TRHDE: variants seen among roughly 807,000 people sequenced by gnomAD.
The protein encoded by TRHDE is thyrotropin releasing hormone degrading enzyme, also known as thyrotropin-releasing hormone-degrading ectoenzyme.
A neutral mutation model predicts 125.7 loss-of-function variants in TRHDE; 72 were observed. That is an observed-to-expected ratio of 0.57 (90% CI 0.47 to 0.70). The LOEUF (loss-of-function observed/expected upper bound fraction) is 0.70. Among genes scored for constraint, TRHDE ranks in the 30% least tolerant of loss-of-function variants. The pLI is 0.00. For missense variants in TRHDE, 1,110 were observed against 1,327.1 expected (o/e 0.84, Z 2.54); for synonymous variants, 509 against 509.1 (o/e 1.00, Z 0.00).
At position 72,653,057 on chromosome 12, in the gene TRHDE, A is replaced by T; in HGVS notation, c.2885A>T (p.Gln962Leu). The part of the protein sequence containing the change: ...LSLNSEVVLD[Q>L]DAIDVIIHVA... ...CTGAATTCTGAGGTGGTGCTGGATC[A>T]AGATGCAATTGATGTCATAATCCAT... The change falls in exon 17 of 19, where the codon CAA (glutamine) becomes CTA (leucine). Residue 962 changes from glutamine (Q) to leucine (L), a missense_variant. By Grantham distance (113) the Gln-to-Leu change is moderately radical (BLOSUM62 -2). Transcript: ENST00000261180. 1 of 1,607,662 alleles carries T rather than the reference A, an allele frequency of 6.2e-7. No individual in the cohort carries two copies. Among genetic ancestry groups the T allele is most frequent in the Non-Finnish European group, 8.5e-7 (1 of 1,176,294 alleles).
rs552540580 is a variant in TRHDE, at chr12:72,415,971, A to G, written c.1315+37850A>G. ...GAGGCACCTCCATACTGCTCTCCAT[A>G]GTGGCTGAATTAATTTACTTTACCA... On this transcript the variant is annotated intron_variant, in intron 3 of 18. Transcript: ENST00000261180. 1.4e-4 allele frequency among the ~76,000 whole-genome samples: 21 copies of G among 152,212 alleles called. No individual in the cohort carries two copies. The East Asian group carries it at 2.1e-3, about 15-fold the overall frequency.
chr12:72,470,715 C>T (rs920731124), intron 4 of TRHDE, among the ~76,000 whole-genome samples: 1 of 152,018 alleles, frequency 6.6e-6, no homozygotes, highest in African/African-American at 2.4e-5. Context: ...ATAAAACCCA[C>T]ACCTTGTTAG....
At chr12:72,480,177 CA>C (rs1339198411) in intron 5 of TRHDE, among the ~76,000 whole-genome samples, 1 of 151,716 alleles carries the variant, frequency 6.6e-6, no homozygotes, top group Non-Finnish European at 1.5e-5. Context: ...GGTATATACC[CA>C]GTAATGGGAT....
chr12:72,125,761 AG>A (rs1341911044), intron 2 of TRHDE, among the ~76,000 whole-genome samples: 3 of 152,246 alleles, frequency 2.0e-5, no homozygotes, highest in African/African-American at 7.2e-5. Flanking sequence ...ATGGTTTTCC[AG>A]ATAATGGAAA....
Position 72,669,822 on chromosome 12 carries a change from A to G in TRHDE, c.*6627A>G, listed in dbSNP as rs1403371250. The G allele has an allele frequency of 1.3e-5, 2 of 151,676 alleles. No individual in the cohort carries two copies. The highest frequency in any genetic ancestry group is 2.4e-5 in the African/African-American group (1 of 41,370). The allele number at this position is 151,676 out of a possible 1,614,324, so 9.4% of individuals were successfully genotyped here. A position where few individuals can be genotyped will look rare whatever the true frequency, so the allele number is the denominator to read the frequency against. On this transcript the variant is annotated 3_prime_UTR_variant, in exon 19 of 19. Coordinates refer to ENST00000261180, the MANE Select transcript of TRHDE (RefSeq NM_013381.3). Reference sequence around the variant, plus strand: ...CACATTATCCTTTTGAATGCTACCTATATATTGCCACATATAAAGATATTT... The same window carrying G: ...CACATTATCCTTTTGAATGCTACCTGTATATTGCCACATATAAAGATATTT...
chr12:72,537,829 T>C (rs1868945220), intron 6 of TRHDE, among the ~76,000 whole-genome samples: 1 of 152,082 alleles, frequency 6.6e-6, no homozygotes. Flanking sequence ...AATGAGCGTA[T>C]AATGGTGACA....
intron 9 of TRHDE, among the ~76,000 whole-genome samples, chr12:72,568,314 C>T (rs1870547119): frequency 6.6e-6 from 1 of 151,660 alleles, no homozygotes. Context: ...TCTTTTTTCC[C>T]CCAAGAAAAA....
chr12:72,537,888 A>G (rs1345935361), intron 6 of TRHDE, among the ~76,000 whole-genome samples: 3 of 152,028 alleles, frequency 2.0e-5, no homozygotes, highest in Non-Finnish European at 2.9e-5. Context: ...TGTGCAATGT[A>G]CTTTCTTAAC....
At chr12:72,523,719 A>C (rs1868285744) in intron 6 of TRHDE, among the ~76,000 whole-genome samples, 1 of 152,170 alleles carries the variant, frequency 6.6e-6, no homozygotes, top group Non-Finnish European at 1.5e-5. Flanking sequence ...AATTTCTTAC[A>C]TGGGCTTGCT....
At position 72,665,481 on chromosome 12, in the gene TRHDE, A is replaced by G. The variant is rs1216527774; in HGVS notation, c.*2286A>G. 2 of 152,444 alleles carry G rather than the reference A, an allele frequency of 1.3e-5. No homozygotes were observed. The highest frequency in any genetic ancestry group is 2.9e-5 in the Non-Finnish European group (2 of 67,952). The allele number at this position is 152,444 out of a possible 1,614,324, so 9.4% of individuals were successfully genotyped here. ...CATTAAGATGGTGTTTTTGTTCTACATATTTTTCAATAATTTATTCTTTCT... is the reference window on the plus strand; with the variant it reads ...CATTAAGATGGTGTTTTTGTTCTACGTATTTTTCAATAATTTATTCTTTCT... On this transcript the variant is annotated 3_prime_UTR_variant, in exon 19 of 19. Coordinates refer to ENST00000261180, the MANE Select transcript of TRHDE (RefSeq NM_013381.3).
At position 72,562,058 on chromosome 12, in the gene TRHDE, TTTA is replaced by T. The variant is rs537033028; in HGVS notation, c.1789-103_1789-101del. 3.5e-3 allele frequency: 1,924 copies of T among 543,870 alleles called. 12 individuals are homozygous for T. Among genetic ancestry groups the T allele is most frequent in the South Asian group, 4.1e-3 (160 of 38,754 alleles). The allele number at this position is 543,870 out of a possible 1,614,324, so 33.7% of individuals were successfully genotyped here. A position where few individuals can be genotyped will look rare whatever the true frequency, so the allele number is the denominator to read the frequency against. ...ATTATTTATCTTTTTTATGTCCTTTTTTATTAATATAATTCCAACAAATGAAAA... is the reference window on the plus strand; with the variant it reads ...ATTATTTATCTTTTTTATGTCCTTTTTTAATATAATTCCAACAAATGAAAA... On this transcript the variant is annotated intron_variant, in intron 7 of 18. Coordinates refer to ENST00000261180, the MANE Select transcript of TRHDE (RefSeq NM_013381.3).
At chr12:72,323,982 T>C (rs2135713069) in intron 2 of TRHDE, among the ~76,000 whole-genome samples, 1 of 152,210 alleles carries the variant, frequency 6.6e-6, no homozygotes, top group South Asian at 2.1e-4. Flanking sequence ...CTACAAAGTT[T>C]TATGCTTTCT....
intron 2 of TRHDE, 84 bp from the exon 3 acceptor site, chr12:72,377,911 G>T: frequency 1.0e-6 from 1 of 975,944 alleles, no homozygotes; most frequent in South Asian, 2.1e-5. Context: ...TATTCTAAGT[G>T]ATTTGTGTAG....
chr12:72,327,072 C>T (rs1434450874), intron 2 of TRHDE, among the ~76,000 whole-genome samples: 1 of 148,134 alleles, frequency 6.8e-6, no homozygotes, highest in African/African-American at 2.5e-5. Flanking sequence ...AGGTTTTGAT[C>T]TTTTTTTTTT....
At chr12:72,555,955 T>A (rs1869900233) in intron 7 of TRHDE, among the ~76,000 whole-genome samples, 1 of 152,208 alleles carries the variant, frequency 6.6e-6, no homozygotes, top group African/African-American at 2.4e-5. Context: ...AAACTGTTGC[T>A]TTTTAAAATG....
At chr12:72,455,061 A>G (rs1451756260) in intron 3 of TRHDE, among the ~76,000 whole-genome samples, 1 of 152,164 alleles carries the variant, frequency 6.6e-6, no homozygotes, top group East Asian at 1.9e-4. Context: ...AAGACCCAGT[A>G]ATATAGAATA....
chr12:72,357,344 A>G (rs1244084799), intron 2 of TRHDE, among the ~76,000 whole-genome samples: 1 of 151,580 alleles, frequency 6.6e-6, no homozygotes, highest in Non-Finnish European at 1.5e-5. Context: ...GCTACTTTGT[A>G]TATTTTGACC....
At position 72,520,507 on chromosome 12, in the gene TRHDE, C is replaced by T. The variant is rs547345694; in HGVS notation, c.1722+20872C>T. Among the ~76,000 whole-genome samples, 41 of 149,818 alleles carry T rather than the reference C, an allele frequency of 2.7e-4. No individual in the cohort carries two copies. In the East Asian group the frequency reaches 3.0e-3, roughly 11 times the overall value. On this transcript the variant is annotated intron_variant, in intron 6 of 18. Transcript: ENST00000261180. ...GCCTCGCCCTGCTTCTGCTTGCGCA[C>T]GGTGCGCGCACCCACTGACCTGCGC...
At chr12:72,624,934 TA>T (rs67915101) in intron 15 of TRHDE, among the ~76,000 whole-genome samples, 40 of 145,476 alleles carry the variant, frequency 2.7e-4, no homozygotes, top group African/African-American at 5.8e-4. Flanking sequence ...TCTCAAAAAA[TA>T]AAAAAAAAAG....
Sources: allele counts gnomAD v4.1 joint callset (sites outside exome capture counted in the v4.1 genomes callset), GRCh38; gene constraint gnomAD v4.1.1; transcripts MANE v1.5; gene names NCBI Gene and HGNC (gene_info 2026-07-23, HGNC 2026-07-21).